NEBL: variants seen among roughly 807,000 people sequenced by gnomAD.
NEBL encodes the protein LIM and SH3 protein 2.
NEBL carries 122 observed loss-of-function variants against 140.2 expected under a neutral mutation model. That is an observed-to-expected ratio of 0.87 (90% CI 0.75 to 1.01). The LOEUF is 1.01. Among genes scored for constraint, NEBL ranks in the 50% least tolerant of loss-of-function variants. The pLI is 0.00. For missense variants in NEBL, 1,365 were observed against 1,231.3 expected (o/e 1.11, Z -1.62); for synonymous variants, 436 against 398.9 (o/e 1.09, Z -1.11).
intron 3 of NEBL, among the ~76,000 whole-genome samples, chr10:21,205,274 T>G (rs1841808269): frequency 6.6e-6 from 1 of 152,244 alleles, no homozygotes; most frequent in South Asian, 2.1e-4. Flanking sequence ...ACATTTTGTT[T>G]ACCATGTAGT....
chr10:21,067,970 C>T (rs1835645361), intron 2 of NEBL, among the ~76,000 whole-genome samples: 1 of 126,624 alleles, frequency 7.9e-6, no homozygotes, highest in African/African-American at 2.5e-5. Flanking sequence ...AACAAGATGC[C>T]GTCTCAAAGA....
At chr10:20,978,443 G>A (rs115550513) in intron 3 of NEBL, among the ~76,000 whole-genome samples, 4,009 of 149,198 alleles carry the variant, frequency 0.027, 173 homozygotes, top group African/African-American at 0.094. Context: ...AAAAAAAAAC[G>A]AGTTATTTGA....
At position 21,101,398 on chromosome 10, in the gene NEBL, G is replaced by A. The variant is rs560259106; in HGVS notation, c.164+70985C>T. Among the ~76,000 whole-genome samples the A allele has an allele frequency of 5.3e-5, 8 of 152,288 alleles. No homozygotes were observed. In the South Asian group the frequency reaches 1.2e-3, roughly 24 times the overall value. ...CTAAAACAATCCACGCAGAAGTGATGGGTAGAAATTTCTGGTAGTAGTTTT... is the reference window on the plus strand; with the variant it reads ...CTAAAACAATCCACGCAGAAGTGATAGGTAGAAATTTCTGGTAGTAGTTTT... On this transcript the variant is annotated intron_variant, in intron 2 of 6. Coordinates refer to the NEBL transcript ENST00000417816.
At chr10:21,221,039 C>T (rs1269844624) in intron 3 of NEBL, among the ~76,000 whole-genome samples, 3 of 151,960 alleles carry the variant, frequency 2.0e-5, no homozygotes, top group African/African-American at 7.3e-5. Flanking sequence ...ACCTGGAGTC[C>T]CAGTAGTCAG....
chr10:21,212,864 C>T (rs985849486), intron 3 of NEBL, among the ~76,000 whole-genome samples: 2 of 152,214 alleles, frequency 1.3e-5, no homozygotes, highest in Admixed American at 6.5e-5. Context: ...TCAGTTAACT[C>T]GATTCAGTCA....
chr10:21,147,366 G>A (rs1430900005), intron 2 of NEBL, among the ~76,000 whole-genome samples: 28 of 149,692 alleles, frequency 1.9e-4, no homozygotes, highest in Admixed American at 1.9e-3. Flanking sequence ...TATCTTTCTG[G>A]AATTCTTCTC....
intron 3 of NEBL, among the ~76,000 whole-genome samples, chr10:21,218,950 A>T (rs1272134491): frequency 6.6e-6 from 1 of 152,224 alleles, no homozygotes; most frequent in East Asian, 1.9e-4. Flanking sequence ...CTGGTACAGG[A>T]CAGGGGAAAC....
intron 2 of NEBL, among the ~76,000 whole-genome samples, chr10:21,251,088 C>T (rs1469461763): frequency 6.6e-6 from 1 of 152,086 alleles, no homozygotes; most frequent in Non-Finnish European, 1.5e-5. Context: ...TCTCATCTTC[C>T]TTCTCCCTTC....
At chr10:20,940,634 A>G (rs897544808) in intron 4 of NEBL, among the ~76,000 whole-genome samples, 49 of 141,790 alleles carry the variant, frequency 3.5e-4, no homozygotes, top group African/African-American at 1.1e-3. Context: ...TCAAAAATCA[A>G]TGAACACAAG....
intron 4 of NEBL, among the ~76,000 whole-genome samples, chr10:20,885,431 C>T (rs1315353298): frequency 6.6e-6 from 1 of 152,140 alleles, no homozygotes; most frequent in African/African-American, 2.4e-5. Flanking sequence ...GAAATCAATG[C>T]TAATTGTGAG....
intron 3 of NEBL, among the ~76,000 whole-genome samples, chr10:21,199,514 A>G (rs886209017): frequency 2.0e-5 from 3 of 152,150 alleles, no homozygotes; most frequent in Non-Finnish European, 4.4e-5. Context: ...AAATGTATGT[A>G]TCAGGCAACT....
intron 3 of NEBL, among the ~76,000 whole-genome samples, chr10:21,224,406 G>A (rs761548035): frequency 6.6e-5 from 10 of 152,208 alleles, no homozygotes; most frequent in Non-Finnish European, 1.3e-4. Flanking sequence ...ATGCTGTTTT[G>A]ATTACTATAG....
intron 2 of NEBL, among the ~76,000 whole-genome samples, chr10:21,058,215 A>T (rs907436686): frequency 6.6e-6 from 1 of 152,198 alleles, no homozygotes; most frequent in Non-Finnish European, 1.5e-5. Context: ...TAGTTCAGAC[A>T]TGCTAGACTT....
chr10:20,994,628 C>A (rs1241604766), intron 3 of NEBL, among the ~76,000 whole-genome samples: 2 of 152,082 alleles, frequency 1.3e-5, no homozygotes, highest in African/African-American at 4.8e-5. Flanking sequence ...TTTGGTCCCC[C>A]AAAAAACTTA....
chr10:21,039,277 G>A (rs1332825011), intron 2 of NEBL, among the ~76,000 whole-genome samples: 1 of 152,046 alleles, frequency 6.6e-6, no homozygotes, highest in African/African-American at 2.4e-5. Flanking sequence ...TGCTTTTGGT[G>A]TTTTAGTCAT....
At chr10:21,008,494 G>A (rs759729892) in intron 3 of NEBL, among the ~76,000 whole-genome samples, 5 of 152,056 alleles carry the variant, frequency 3.3e-5, no homozygotes. Flanking sequence ...CTAAGGACAT[G>A]AATAGACAAT....
Position 21,236,174 on chromosome 10 carries a change from C to T in NEBL, n.348+11747G>A, listed in dbSNP as rs190348897. Among the ~76,000 whole-genome samples the T allele has an allele frequency of 2.2e-4, 34 of 152,242 alleles. No homozygotes were observed. The East Asian group carries it at 6.0e-3, about 27-fold the overall frequency. ...TATCAAATCAATTCACAATAGCTCACAGTCTCAATCATGGGAGGGAAATCT... is the reference window on the plus strand; with the variant it reads ...TATCAAATCAATTCACAATAGCTCATAGTCTCAATCATGGGAGGGAAATCT... On this transcript the variant is annotated intron_variant and non_coding_transcript_variant, in intron 3 of 8. Transcript: ENST00000675702.
rs78181668 is a variant in NEBL at position 21,053,377 on chromosome 10, A to G, written c.165-33176T>C. 5.2e-3 allele frequency among the ~76,000 whole-genome samples: 790 copies of G among 152,296 alleles called. 1 individual carries two copies. Among genetic ancestry groups the G allele is most frequent in the Non-Finnish European group, 8.3e-3 (566 of 68,036 alleles). Reference sequence around the variant, plus strand: ...CTAGATGCTTTCTGTGAGTCCCTGCATACTCATCCACACTCACAAGAGTCT... The same window carrying G: ...CTAGATGCTTTCTGTGAGTCCCTGCGTACTCATCCACACTCACAAGAGTCT... On this transcript the variant is annotated intron_variant, in intron 2 of 6. Coordinates refer to the NEBL transcript ENST00000417816.
At chr10:21,031,822 T>C (rs1329830359) in intron 2 of NEBL, among the ~76,000 whole-genome samples, 1 of 152,208 alleles carries the variant, frequency 6.6e-6, no homozygotes, top group Non-Finnish European at 1.5e-5. Context: ...AGTATACACA[T>C]ACTCACTTTA....
Sources: gnomAD v4.1 joint callset for allele counts (sites outside exome capture counted in the v4.1 genomes callset) on GRCh38, gnomAD v4.1.1 for gene constraint, MANE v1.5 for transcripts, NCBI Gene and HGNC (gene_info 2026-07-23, HGNC 2026-07-21) for gene names.